Variants in DPP6 observed in about 807,000 individuals in gnomAD.
DPP6 encodes the protein dipeptidyl peptidase like 6.
In DPP6, 69 loss-of-function variants were observed where a neutral mutation model predicts 122.6. That is an observed-to-expected ratio of 0.56 (90% CI 0.46 to 0.69). The LOEUF (loss-of-function observed/expected upper bound fraction) is 0.69, where lower values mean the gene tolerates loss of function less well. Ranked by LOEUF, DPP6 falls within the 30% of genes least tolerant of loss-of-function variation. The pLI is 0.00. For synonymous variants in DPP6, 418 were observed against 433.1 expected, an observed-to-expected ratio of 0.97 and a Z score of 0.43; for missense variants, 928 against 1,116.9, an observed-to-expected ratio of 0.83 and a Z score of 2.41.
chr7:153,755,376 CT>C, the DPP6 span, among the ~76,000 whole-genome samples: 1 of 142,862 alleles, frequency 7.0e-6, no homozygotes, highest in African/African-American at 2.6e-5. Flanking sequence ...CACTCAGTCT[CT>C]TTTTTATTTT....
At chr7:153,757,619 C>CT in the DPP6 span, among the ~76,000 whole-genome samples, 1 of 152,172 alleles carries the variant, frequency 6.6e-6, no homozygotes, top group Non-Finnish European at 1.5e-5. Context: ...TTCAACCAGC[C>CT]TTCAGGGTCA....
At chr7:154,096,490 G>A (rs1298025458) in intron 1 of DPP6, among the ~76,000 whole-genome samples, 13 of 145,008 alleles carry the variant, frequency 9.0e-5, no homozygotes, top group Admixed American at 1.4e-4. Flanking sequence ...AATCGCTAGT[G>A]TGCATAAGGT....
At chr7:154,126,441 A>G (rs1348668436) in intron 1 of DPP6, among the ~76,000 whole-genome samples, 2 of 151,942 alleles carry the variant, frequency 1.3e-5, no homozygotes, top group Non-Finnish European at 2.9e-5. Context: ...ATGTGCTGTC[A>G]TCTTATGAGG....
chr7:154,407,264 G>A (rs1007356873), intron 1 of DPP6, among the ~76,000 whole-genome samples: 1 of 152,118 alleles, frequency 6.6e-6, no homozygotes, highest in Non-Finnish European at 1.5e-5. Context: ...AGTCTTCCCT[G>A]TTCTGAACCA....
At chr7:153,837,680 GT>G in the DPP6 span, among the ~76,000 whole-genome samples, 1 of 151,784 alleles carries the variant, frequency 6.6e-6, no homozygotes, top group African/African-American at 2.4e-5. Flanking sequence ...GATCTTTGTA[GT>G]TTTTTCTTTG....
chr7:154,160,411 T>A (rs1459496636), intron 1 of DPP6, among the ~76,000 whole-genome samples: 1 of 152,210 alleles, frequency 6.6e-6, no homozygotes, highest in Non-Finnish European at 1.5e-5. Context: ...CTTTCTAAAG[T>A]CATCATGGAA....
intron 3 of DPP6, among the ~76,000 whole-genome samples, chr7:154,514,633 G>A (rs1002889636): frequency 4.6e-5 from 7 of 152,088 alleles, no homozygotes; most frequent in Admixed American, 1.3e-4. Flanking sequence ...GTGGAATCAC[G>A]CAGTATTTGT....
intron 1 of DPP6, among the ~76,000 whole-genome samples, chr7:154,270,565 G>A (rs987422428): frequency 1.3e-5 from 2 of 152,126 alleles, no homozygotes; most frequent in African/African-American, 4.8e-5. Context: ...CAGGTCTAAG[G>A]CTGAAATGGC....
the DPP6 span, among the ~76,000 whole-genome samples, chr7:153,816,167 T>C: frequency 2.0e-5 from 3 of 152,054 alleles, no homozygotes; most frequent in African/African-American, 7.2e-5. Context: ...AATATCATCA[T>C]TAGAATAAAA....
At chr7:154,688,853 C>A (rs1248743704) in intron 7 of DPP6, among the ~76,000 whole-genome samples, 1 of 152,214 alleles carries the variant, frequency 6.6e-6, no homozygotes, top group Non-Finnish European at 1.5e-5. Flanking sequence ...AAGATTAATA[C>A]TTTGTATCCC....
At chr7:154,540,507 T>A (rs73483831) in intron 3 of DPP6, 25 bp from the exon 4 acceptor site, 5 of 1,468,938 alleles carry the variant, frequency 3.4e-6, no homozygotes, top group Non-Finnish European at 4.7e-6. Context: ...TTTCATGTGG[T>A]TTTTTTCTAC....
the DPP6 span, among the ~76,000 whole-genome samples, chr7:153,793,389 C>T: frequency 0.17 from 14,716 of 85,012 alleles, 1,040 homozygotes; most frequent in Middle Eastern, 0.3. Context: ...TGGCATTTTG[C>T]CCCTGCCCTA....
At chr7:154,102,512 G>A (rs1278013024) in intron 1 of DPP6, among the ~76,000 whole-genome samples, 2 of 151,994 alleles carry the variant, frequency 1.3e-5, no homozygotes, top group African/African-American at 2.4e-5. Context: ...GTTTCTGTGG[G>A]GACCCCTCAT....
intron 1 of DPP6, among the ~76,000 whole-genome samples, chr7:154,047,270 C>T (rs1800066455): frequency 7.0e-6 from 1 of 142,466 alleles, no homozygotes; most frequent in African/African-American, 3.0e-5. Context: ...GCAACCATCA[C>T]CTCTCCTGGT....
intron 1 of DPP6, among the ~76,000 whole-genome samples, chr7:154,374,635 C>T (rs957254842): frequency 4.9e-5 from 2 of 40,840 alleles, no homozygotes; most frequent in Non-Finnish European, 2.1e-4. Flanking sequence ...TTTTGAGACG[C>T]AGTTTTCCTC....
chr7:154,806,255 T>C (rs1479128864), intron 15 of DPP6, among the ~76,000 whole-genome samples: 1 of 152,256 alleles, frequency 6.6e-6, no homozygotes, highest in Non-Finnish European at 1.5e-5. Flanking sequence ...AGACTTCATA[T>C]TGAAACCTAT....
chr7:154,583,938 C>T (rs1832259448), intron 5 of DPP6, among the ~76,000 whole-genome samples: 1 of 152,210 alleles, frequency 6.6e-6, no homozygotes, highest in African/African-American at 2.4e-5. Context: ...AGGACCCTGG[C>T]TAGAGACCTT....
At chr7:154,647,095 T>C (rs1209043105) in intron 6 of DPP6, among the ~76,000 whole-genome samples, 1 of 152,136 alleles carries the variant, frequency 6.6e-6, no homozygotes, top group Non-Finnish European at 1.5e-5. Context: ...GGGGACCCCA[T>C]AAATGTTGGT....
intron 1 of DPP6, among the ~76,000 whole-genome samples, chr7:154,431,534 C>CTTT (rs67861044): frequency 4.0e-5 from 4 of 98,888 alleles, no homozygotes; most frequent in Non-Finnish European, 4.2e-5. Flanking sequence ...TTCTTTCTTT[C>CTTT]TTTTTTTTTT....
Sources: allele counts gnomAD v4.1 joint callset (sites outside exome capture counted in the v4.1 genomes callset), GRCh38; gene constraint gnomAD v4.1.1; transcripts MANE v1.5; gene names NCBI Gene and HGNC (gene_info 2026-07-23, HGNC 2026-07-21).